Variants in WWOX observed in about 807,000 individuals in gnomAD.
WWOX encodes WW domain-containing oxidoreductase.
WWOX carries 69 observed loss-of-function variants against 46.2 expected under a neutral mutation model. The observed-to-expected ratio is 1.49, with a 90% CI of 1.23 to 1.82. The LOEUF is 1.82. WWOX is among the 40% of genes most tolerant of loss of function. The pLI is 0.00. For missense variants in WWOX, 919 were observed against 542.6 expected (o/e 1.69, Z -6.89); for synonymous variants, 359 against 202.6 (o/e 1.77, Z -6.56).
chr16:78,507,394 G>C (rs60111001), intron 8 of WWOX, among the ~76,000 whole-genome samples: 2 of 152,128 alleles, frequency 1.3e-5, no homozygotes, highest in Non-Finnish European at 2.9e-5. Context: ...AAACAATGTT[G>C]CTGAGAAGTG....
At chr16:78,887,870 G>A (rs536536095) in intron 8 of WWOX, among the ~76,000 whole-genome samples, 2 of 152,244 alleles carry the variant, frequency 1.3e-5, no homozygotes, top group East Asian at 1.9e-4. Context: ...ATGTCCTGGT[G>A]TTCATTGAAA....
chr16:79,154,622 T>G (rs1250154310), intron 8 of WWOX, among the ~76,000 whole-genome samples: 1 of 152,200 alleles, frequency 6.6e-6, no homozygotes, highest in African/African-American at 2.4e-5. Flanking sequence ...CTAAAAAGTT[T>G]GCAACATTTA....
chr16:79,094,284 C>T (rs1380054493), intron 8 of WWOX, among the ~76,000 whole-genome samples: 9 of 147,992 alleles, frequency 6.1e-5, no homozygotes, highest in East Asian at 4.0e-4. Flanking sequence ...TACGGGGTCT[C>T]GCTCTGTCTC....
intron 8 of WWOX, among the ~76,000 whole-genome samples, chr16:78,972,930 C>G (rs1163748355): frequency 6.6e-6 from 1 of 152,124 alleles, no homozygotes; most frequent in Non-Finnish European, 1.5e-5. Context: ...GACCGAAGGG[C>G]TGAGTAATTG....
intron 8 of WWOX, among the ~76,000 whole-genome samples, chr16:78,999,669 T>C (rs1366698423): frequency 2.0e-5 from 3 of 152,202 alleles, no homozygotes; most frequent in Non-Finnish European, 2.9e-5. Flanking sequence ...ACCAGAGTGA[T>C]TGGTGATAAA....
At chr16:78,406,295 TAAATATAA>T (rs2082531122) in intron 6 of WWOX, among the ~76,000 whole-genome samples, 1 of 88,638 alleles carries the variant, frequency 1.1e-5, no homozygotes, top group Non-Finnish European at 2.3e-5. Context: ...TTACAGCATA[TAAATATAA>T]ATATATATAT....
At chr16:78,950,069 G>A (rs150967815) in intron 8 of WWOX, among the ~76,000 whole-genome samples, 20 of 152,282 alleles carry the variant, frequency 1.3e-4, no homozygotes, top group Non-Finnish European at 7.4e-5. Flanking sequence ...GAATTTGGGC[G>A]ATGATACCAG....
At chr16:78,728,617 C>G (rs892232585) in intron 8 of WWOX, among the ~76,000 whole-genome samples, 1 of 152,164 alleles carries the variant, frequency 6.6e-6, no homozygotes, top group Non-Finnish European at 1.5e-5. Context: ...AGAGCTTTGA[C>G]CTCACAGAGC....
At chr16:79,128,103 T>A (rs1271348878) in intron 8 of WWOX, among the ~76,000 whole-genome samples, 2 of 152,118 alleles carry the variant, frequency 1.3e-5, no homozygotes, top group African/African-American at 4.8e-5. Context: ...CACCCACTGA[T>A]GTTATTATCC....
chr16:78,667,896 T>C (rs912997704), intron 8 of WWOX, among the ~76,000 whole-genome samples: 1 of 152,130 alleles, frequency 6.6e-6, no homozygotes, highest in Non-Finnish European at 1.5e-5. Flanking sequence ...GTGTTCCTTA[T>C]CTGTTTCTAG....
At chr16:78,368,656 C>G (rs1597112323) in intron 5 of WWOX, among the ~76,000 whole-genome samples, 1 of 152,226 alleles carries the variant, frequency 6.6e-6, no homozygotes, top group African/African-American at 2.4e-5. Context: ...GAAGTGGCTT[C>G]TAATGGACAT....
chr16:79,195,423 G>A (rs983270154), intron 8 of WWOX, among the ~76,000 whole-genome samples: 2 of 152,190 alleles, frequency 1.3e-5, no homozygotes, highest in Non-Finnish European at 2.9e-5. Context: ...CCTGGAGTGC[G>A]TGTTGCTTTG....
chr16:78,945,966 A>G (rs953999055), intron 8 of WWOX, among the ~76,000 whole-genome samples: 4 of 152,010 alleles, frequency 2.6e-5, no homozygotes, highest in African/African-American at 9.7e-5. Flanking sequence ...CAGGCTAATA[A>G]TCACCTGTCC....
At chr16:78,792,381 AG>A (rs1373429427) in intron 8 of WWOX, among the ~76,000 whole-genome samples, 1 of 152,162 alleles carries the variant, frequency 6.6e-6, no homozygotes, top group Non-Finnish European at 1.5e-5. Context: ...AGAAAAAAAC[AG>A]GCAGAAACAT....
chr16:78,993,381 G>A (rs1461402186), intron 8 of WWOX, among the ~76,000 whole-genome samples: 1 of 152,132 alleles, frequency 6.6e-6, no homozygotes, highest in African/African-American at 2.4e-5. Flanking sequence ...CTTGTCAAGA[G>A]GGTAATGTGT....
At chr16:79,142,791 C>G (rs1240701850) in intron 8 of WWOX, among the ~76,000 whole-genome samples, 1 of 152,154 alleles carries the variant, frequency 6.6e-6, no homozygotes, top group Non-Finnish European at 1.5e-5. Flanking sequence ...CTTGACCTCC[C>G]AGGCCCAACT....
chr16:78,381,405 A>C (rs575990932), intron 5 of WWOX, among the ~76,000 whole-genome samples: 1 of 151,946 alleles, frequency 6.6e-6, no homozygotes, highest in African/African-American at 2.4e-5. Context: ...ACTATATTCA[A>C]GGGAAATGGG....
chr16:78,979,595 G>C (rs2046641516), intron 8 of WWOX, among the ~76,000 whole-genome samples: 1 of 152,128 alleles, frequency 6.6e-6, no homozygotes, highest in African/African-American at 2.4e-5. Flanking sequence ...CCAGAGAGGA[G>C]AGTCAAATGG....
chr16:78,102,439 A>G (rs1331323642), intron 1 of WWOX, among the ~76,000 whole-genome samples: 1 of 152,234 alleles, frequency 6.6e-6, no homozygotes, highest in Non-Finnish European at 1.5e-5. Context: ...AGTGGCATTC[A>G]TTCAGCTTGT....
Sources: allele counts gnomAD v4.1 joint callset (sites outside exome capture counted in the v4.1 genomes callset), GRCh38; gene constraint gnomAD v4.1.1; transcripts MANE v1.5; gene names NCBI Gene and HGNC (gene_info 2026-07-23, HGNC 2026-07-21).